LDB1: variants seen among roughly 807,000 people sequenced by gnomAD.
The protein encoded by LDB1 is LIM domain binding 1, also known as LIM domain-binding protein 1.
Under a neutral mutation model 49.7 loss-of-function variants are expected in LDB1, and 6 were observed. That is an observed-to-expected ratio of 0.12 (90% confidence interval 0.07 to 0.24). LDB1 has a LOEUF of 0.24. Among genes scored for constraint, LDB1 ranks in the 10% least tolerant of loss-of-function variants. The pLI, the probability that LDB1 is intolerant of heterozygous loss-of-function variation, is 1.00. For missense variants in LDB1, 341 were observed against 561.7 expected (o/e 0.61, Z 3.97); for synonymous variants, 233 against 202.0 (o/e 1.15, Z -1.30).
intron 1 of LDB1, among the ~76,000 whole-genome samples, chr10:102,118,312 G>A (rs937426891): frequency 7.9e-5 from 12 of 152,098 alleles, no homozygotes; most frequent in African/African-American, 2.9e-4. Context: ...TTCATGATCT[G>A]GAAAAAGACT....
upstream of LDB1, chr10:102,120,459 G>C (rs1010235491): frequency 1.1e-3 from 1,048 of 923,564 alleles, no homozygotes; most frequent in Non-Finnish European, 1.3e-3. Context: ...CCTCGCGCTC[G>C]CGCTCCCTCG....
chr10:102,119,298 G>GCCCCCCCCCCCCCCCCCCCCCCC (rs752751627), intron 1 of LDB1, among the ~76,000 whole-genome samples: 2 of 131,330 alleles, frequency 1.5e-5, no homozygotes, highest in Admixed American at 7.5e-5. Flanking sequence ...GACGCCCTCC[G>GCCCCCCCCCCCCCCCCCCCCCCC]CCCCCCCCAC....
Position 102,120,236 on chromosome 10 carries a change from C to T in LDB1, c.-126G>A. 1 of 983,276 alleles carries T rather than the reference C, an allele frequency of 1.0e-6. No individual in the cohort carries two copies. The highest frequency in any genetic ancestry group is 1.2e-6 in the Non-Finnish European group (1 of 829,326). 60.9% of individuals were successfully genotyped at this position (983,276 alleles called of 1,614,324 possible). The stretch of plus-strand genomic sequence containing the variant: ...TGCGCTCGCCGCCGGCCCGGCCCGG[C>T]CTCGGCCCGGTGCGGGCGGCCCCTG... On this transcript the variant is annotated 5_prime_UTR_variant, in exon 1 of 11. Transcript: ENST00000673968.
chr10:102,108,267 G>A lies in LDB1; in HGVS notation c.1062C>T (p.Asp354=), dbSNP rs145583738. The change falls in exon 11 of 11, where the codon GAC becomes GAT. Residue 354 remains aspartate (D), a synonymous_variant. Coordinates refer to ENST00000673968, the MANE Select transcript of LDB1 (RefSeq NM_001113407.3). ...TCTCCAGCCGGGTGATGAGCCTCTC[G>A]TCCTCGTCCCCGAACTCCCCGCCCA... ...TLMGGEFGDE[D]ERLITRLENT... is the part of the protein sequence containing the mutation. The A allele has an allele frequency of 8.8e-4, 1,426 of 1,613,862 alleles. 2 individuals are homozygous for A. The highest frequency in any genetic ancestry group is 1.2e-3 in the Non-Finnish European group (1,362 of 1,179,954).
intron 1 of LDB1, among the ~76,000 whole-genome samples, chr10:102,112,971 G>A (rs1224542366): frequency 6.6e-6 from 1 of 152,148 alleles, no homozygotes; most frequent in Admixed American, 6.5e-5. Flanking sequence ...GATAGGAGGG[G>A]AAACTGAGGC....
At chr10:102,103,222 T>G (rs2068132168), downstream of LDB1, among the ~76,000 whole-genome samples, 1 of 151,976 alleles carries the variant, frequency 6.6e-6, no homozygotes, top group South Asian at 2.1e-4. Context: ...GAGATGGGGT[T>G]TCACCATGTT....
intron 1 of LDB1, chr10:102,114,812 G>GGGCGCCCCCCCCCCCC: frequency 1.1e-6 from 1 of 929,818 alleles, no homozygotes; most frequent in Non-Finnish European, 1.3e-6. Context: ...CCTCCGAGCA[G>GGGCGCCCCCCCCCCCC]CCCGCCCGCC....
intron 1 of LDB1, among the ~76,000 whole-genome samples, chr10:102,118,439 G>T (rs897764787): frequency 5.9e-5 from 9 of 151,944 alleles, no homozygotes; most frequent in Non-Finnish European, 1.3e-4. Flanking sequence ...CAAACCCCTG[G>T]GCTTGGGCCC....
At chr10:102,111,364 T>C (rs1320348183) in intron 2 of LDB1, 64 bp from the exon 3 acceptor site, 41 of 1,593,094 alleles carry the variant, frequency 2.6e-5, no homozygotes, top group Non-Finnish European at 3.5e-5. Context: ...GGCAGGGGGC[T>C]ACTCCCTCCC....
rs114758555 is a variant in LDB1, at chr10:102,107,829, A to G, written c.*264T>C. The G allele has an allele frequency of 3.6e-3, 1,945 of 545,654 alleles. 21 individuals carry two copies. The highest frequency in any genetic ancestry group is 0.034 in the African/African-American group (1,775 of 52,852). The allele number at this position is 545,654 out of a possible 1,614,324, so 33.8% of individuals were successfully genotyped here. A position where few individuals can be genotyped will look rare whatever the true frequency, so the allele number is the denominator to read the frequency against. ...AAATGCCCTGGGGGGTGGTCAGGACATGTCTCAGAGGCCCAGGTTCCAAGT... is the reference window on the plus strand; with the variant it reads ...AAATGCCCTGGGGGGTGGTCAGGACGTGTCTCAGAGGCCCAGGTTCCAAGT... On this transcript the variant is annotated 3_prime_UTR_variant, in exon 11 of 11. Coordinates refer to ENST00000673968, the MANE Select transcript of LDB1 (RefSeq NM_001113407.3).
downstream of LDB1, among the ~76,000 whole-genome samples, chr10:102,105,976 C>T (rs2068155543): frequency 6.6e-6 from 1 of 151,974 alleles, no homozygotes; most frequent in African/African-American, 2.4e-5. Flanking sequence ...GACTCCATCT[C>T]AAAATAAATA....
At position 102,108,165 on chromosome 10, in the gene LDB1, G is replaced by A. The variant is rs752929340; in HGVS notation, c.1164C>T (p.Ser388=). ...FNNSPALGAN[S]PWNSKPPSSQ... Reference sequence around the variant, plus strand: ...TGGACGGAGGCTTGCTGTTCCAGGGGCTGTTGGCGCCCAGTGCAGGGGAGT... The same window carrying A: ...TGGACGGAGGCTTGCTGTTCCAGGGACTGTTGGCGCCCAGTGCAGGGGAGT... Residue 388 remains serine, a synonymous_variant, in exon 11 of 11, where the codon AGC becomes AGT. Transcript: ENST00000673968. 17 of 1,614,002 alleles carry A rather than the reference G, an allele frequency of 1.1e-5. No individual in the cohort carries two copies. Among genetic ancestry groups the A allele is most frequent in the East Asian group, 2.2e-5 (1 of 44,898 alleles).
rs2068160928 is a variant in LDB1 at position 102,106,492 on chromosome 10, A to C, written c.*1601T>G. Among the ~76,000 whole-genome samples, 1 of 141,806 alleles carries C rather than the reference A, an allele frequency of 7.1e-6. No homozygotes were observed. The highest frequency in any genetic ancestry group is 2.3e-4 in the South Asian group (1 of 4,414). 93.0% of individuals were successfully genotyped at this position (141,806 alleles called of 152,430 possible). Reference sequence around the variant, plus strand: ...TCAATGACCAACCAGGACACTCTCAAACCGAAAAGTCTCTTTATTGATTGG... The same window carrying C: ...TCAATGACCAACCAGGACACTCTCACACCGAAAAGTCTCTTTATTGATTGG... On this transcript the variant is annotated 3_prime_UTR_variant, in exon 11 of 11. Coordinates refer to ENST00000673968, the MANE Select transcript of LDB1 (RefSeq NM_001113407.3).
chr10:102,103,750 G>A (rs1590275071), downstream of LDB1, among the ~76,000 whole-genome samples: 1 of 151,982 alleles, frequency 6.6e-6, no homozygotes, highest in African/African-American at 2.4e-5. Context: ...GGAGGCGGAG[G>A]TTGCAGTGAG....
rs968484433 is a variant in LDB1, at chr10:102,117,466, C to T, written c.25+2620G>A. 5.3e-5 allele frequency among the ~76,000 whole-genome samples: 8 copies of T among 152,168 alleles called. No individual in the cohort carries two copies. Among genetic ancestry groups the T allele is most frequent in the African/African-American group, 1.9e-4 (8 of 41,436 alleles). ...GACAAAGATGATGAGGGAAAGTACT[C>T]CTCCTGGAGGTGGGGACTCAAAGGA... On this transcript the variant is annotated intron_variant, in intron 1 of 10. Coordinates refer to ENST00000673968, the MANE Select transcript of LDB1 (RefSeq NM_001113407.3). This position sits in a 1 kb window ranked among gnomAD's most constrained non-coding sequence, Gnocchi z 4.2.
Position 102,109,297 on chromosome 10 carries a change from G to A in LDB1, c.856+87C>T. 3 of 1,604,292 alleles carry A rather than the reference G, an allele frequency of 1.9e-6. No homozygotes were observed. Among genetic ancestry groups the A allele is most frequent in the Non-Finnish European group, 2.6e-6 (3 of 1,174,632 alleles). ...ATTTTGTAGACCCGGGAACAAGGAA[G>A]GGGTGGGGAAAACTTCAAAAGGAAA... On this transcript the variant is annotated intron_variant, in intron 9 of 10. Coordinates refer to ENST00000673968, the MANE Select transcript of LDB1 (RefSeq NM_001113407.3). This position sits in a 1 kb window ranked among gnomAD's most constrained non-coding sequence, Gnocchi z 5.8.
At chr10:102,110,821 G>C (rs763174555) in intron 5 of LDB1, 48 bp downstream of exon 5, 4 of 1,583,542 alleles carry the variant, frequency 2.5e-6, no homozygotes, top group Non-Finnish European at 3.5e-6. Flanking sequence ...ACCTTAGAAC[G>C]ACATAGGAGG....
Position 102,109,886 on chromosome 10 carries a change from T to C in LDB1, c.648+35A>G, listed in dbSNP as rs780385249. ...TGTTCCACCCTTCCCCCGCCTGCCT[T>C]CACTCTTGCATCCTGGGTCCTGCCC... On this transcript the variant is annotated intron_variant, in intron 7 of 10. Coordinates refer to ENST00000673968, the MANE Select transcript of LDB1 (RefSeq NM_001113407.3). The surrounding 1 kb of genome is among the most constrained non-coding windows in gnomAD (Gnocchi z 5.8). The C allele has an allele frequency of 8.8e-5, 140 of 1,597,646 alleles. 1 individual carries two copies. Among genetic ancestry groups the C allele is most frequent in the Admixed American group, 3.7e-4 (22 of 59,472 alleles).
In LDB1 at chr10:102,107,845, G is replaced by A. The variant is rs916452825; in HGVS notation, c.*248C>T. 7.1e-6 allele frequency: 4 copies of A among 566,336 alleles called. No homozygotes were observed. The African/African-American group carries it at 7.5e-5, about 11-fold the overall frequency. The allele number at this position is 566,336 out of a possible 1,614,324, so 35.1% of individuals were successfully genotyped here. A position where few individuals can be genotyped will look rare whatever the true frequency, so the allele number is the denominator to read the frequency against. On this transcript the variant is annotated 3_prime_UTR_variant, in exon 11 of 11. Coordinates refer to ENST00000673968, the MANE Select transcript of LDB1 (RefSeq NM_001113407.3). ...GGTCAGGACATGTCTCAGAGGCCCA[G>A]GTTCCAAGTAGGCATCCACATGAGT...
Sources: allele counts gnomAD v4.1 joint callset (sites outside exome capture counted in the v4.1 genomes callset), GRCh38; gene constraint gnomAD v4.1.1; non-coding constraint Gnocchi (gnomAD v3.1); transcripts MANE v1.5; gene names NCBI Gene and HGNC (gene_info 2026-07-23, HGNC 2026-07-21).